ABCC4: variants seen among roughly 807,000 people sequenced by gnomAD.
ABCC4 encodes the protein ATP-binding cassette sub-family C member 4.
A neutral mutation model predicts 168.5 loss-of-function variants in ABCC4; 102 were observed. The observed-to-expected ratio is 0.61, with a 90% confidence interval of 0.52 to 0.71. The LOEUF is 0.71. Ranked by LOEUF, ABCC4 falls within the 30% of genes least tolerant of loss-of-function variation. The pLI, the probability that ABCC4 is intolerant of heterozygous loss-of-function variation, is 0.00. For missense variants in ABCC4, 1,402 were observed against 1,605.8 expected (o/e 0.87, Z 2.17); for synonymous variants, 617 against 590.7 (o/e 1.04, Z -0.65).
chr13:95,063,524 A>G, intron 25 of ABCC4, among the ~76,000 whole-genome samples: 1 of 152,330 alleles, frequency 6.6e-6, no homozygotes, highest in South Asian at 2.1e-4. Flanking sequence ...GACAGTAGTA[A>G]CCAGTAGCCA....
intron 8 of ABCC4, among the ~76,000 whole-genome samples, chr13:95,197,798 T>C (rs2038502165): frequency 6.6e-6 from 1 of 152,220 alleles, no homozygotes; most frequent in African/African-American, 2.4e-5. Context: ...GCTGTTAAGA[T>C]AAGATCTCTT....
At chr13:95,198,606 G>A (rs1477882668) in intron 8 of ABCC4, among the ~76,000 whole-genome samples, 2 of 152,140 alleles carry the variant, frequency 1.3e-5, no homozygotes, top group Non-Finnish European at 2.9e-5. Context: ...TCCCATTACT[G>A]GGTATATACC....
rs115830162 is a variant in ABCC4 at position 95,273,356 on chromosome 13, T to C, written c.75-25603A>G. On this transcript the variant is annotated intron_variant, in intron 1 of 30. Transcript: ENST00000645237. The stretch of plus-strand genomic sequence containing the variant: ...CTTACCGCAGCTCTGTCGGCCTGGA[T>C]GGGCGTGGGGTCCCAAATAACACCC... Among the ~76,000 whole-genome samples the C allele has an allele frequency of 4.2e-3, 646 of 152,316 alleles. 3 individuals are homozygous for C. The highest frequency in any genetic ancestry group is 0.013 in the African/African-American group (555 of 41,570).
chr13:95,225,312 A>C (rs1316585059), intron 4 of ABCC4, among the ~76,000 whole-genome samples: 2 of 152,236 alleles, frequency 1.3e-5, no homozygotes, highest in Non-Finnish European at 2.9e-5. Context: ...CAGGAAACAA[A>C]GCAAAAATAC....
At chr13:95,225,822 T>C (rs1330987153) in intron 4 of ABCC4, among the ~76,000 whole-genome samples, 3 of 150,874 alleles carry the variant, frequency 2.0e-5, no homozygotes, top group Admixed American at 1.3e-4. Context: ...ACCTCTATCC[T>C]AATAATTACA....
intron 20 of ABCC4, among the ~76,000 whole-genome samples, chr13:95,111,151 T>C (rs1217531792): frequency 6.6e-6 from 1 of 152,240 alleles, no homozygotes; most frequent in African/African-American, 2.4e-5. Flanking sequence ...AAGATCTTTA[T>C]GCTATTTGTA....
intron 8 of ABCC4, among the ~76,000 whole-genome samples, chr13:95,196,652 G>A (rs1281429038): frequency 4.2e-4 from 12 of 28,260 alleles, no homozygotes; most frequent in Non-Finnish European, 5.6e-4. Flanking sequence ...AAGGAAGGAA[G>A]GAAGGAAGGA....
intron 1 of ABCC4, among the ~76,000 whole-genome samples, chr13:95,294,230 A>C (rs1294764670): frequency 6.6e-6 from 1 of 152,016 alleles, no homozygotes; most frequent in African/African-American, 2.4e-5. Flanking sequence ...CGTGGTTTTG[A>C]GCTCCTGTAA....
intron 4 of ABCC4, among the ~76,000 whole-genome samples, chr13:95,228,106 G>A (rs955500524): frequency 1.3e-5 from 2 of 152,146 alleles, no homozygotes; most frequent in Non-Finnish European, 2.9e-5. Flanking sequence ...CAAAAGTTCT[G>A]TTTTAAAACT....
intron 1 of ABCC4, among the ~76,000 whole-genome samples, chr13:95,252,949 A>C (rs980089206): frequency 1.3e-5 from 2 of 152,244 alleles, no homozygotes; most frequent in African/African-American, 2.4e-5. Flanking sequence ...GGTGCCAGGA[A>C]TTCAACACTT....
intron 11 of ABCC4, among the ~76,000 whole-genome samples, chr13:95,184,963 G>C (rs1202310973): frequency 6.6e-6 from 1 of 152,094 alleles, no homozygotes; most frequent in Non-Finnish European, 1.5e-5. Context: ...CTCCTACTTT[G>C]ACCCTATATT....
intron 1 of ABCC4, among the ~76,000 whole-genome samples, chr13:95,276,916 G>A (rs1012700270): frequency 2.0e-5 from 3 of 152,308 alleles, no homozygotes; most frequent in Middle Eastern, 3.4e-3. Flanking sequence ...CTACTTAGGA[G>A]GCTGAGGCAG....
chr13:95,043,443 T>C, intron 29 of ABCC4: 1 of 431,170 alleles, frequency 2.3e-6, no homozygotes, highest in Non-Finnish European at 4.1e-6. Flanking sequence ...TTGGAATATT[T>C]TCATGGTAAA....
chr13:95,281,008 T>C (rs2041106950), intron 1 of ABCC4, among the ~76,000 whole-genome samples: 1 of 152,074 alleles, frequency 6.6e-6, no homozygotes, highest in Admixed American at 6.6e-5. Context: ...CAGAGCCATC[T>C]CTTTTCTTTT....
intron 19 of ABCC4, among the ~76,000 whole-genome samples, chr13:95,131,979 T>C (rs979993137): frequency 2.6e-5 from 4 of 151,562 alleles, no homozygotes; most frequent in Non-Finnish European, 5.9e-5. Flanking sequence ...ACTACGGGGG[T>C]CTAAAAGAGA....
At chr13:95,120,642 G>A (rs149626574) in intron 19 of ABCC4, among the ~76,000 whole-genome samples, 1 of 152,052 alleles carries the variant, frequency 6.6e-6, no homozygotes, top group Non-Finnish European at 1.5e-5. Context: ...TACAGAGAGA[G>A]GGTGGACCCT....
intron 1 of ABCC4, among the ~76,000 whole-genome samples, chr13:95,293,943 A>C (rs193007827): frequency 6.6e-6 from 1 of 152,102 alleles, no homozygotes; most frequent in Admixed American, 6.6e-5. Flanking sequence ...CCATGAAAGA[A>C]GGCAGGGTGC....
At chr13:95,077,315 C>T (rs1012631063) in intron 21 of ABCC4, among the ~76,000 whole-genome samples, 2 of 151,998 alleles carry the variant, frequency 1.3e-5, no homozygotes, top group Non-Finnish European at 1.5e-5. Flanking sequence ...ATGGGGTGTC[C>T]GGGAGAAGTT....
intron 8 of ABCC4, among the ~76,000 whole-genome samples, chr13:95,200,674 TCACGC>T (rs1246768692): frequency 1.3e-5 from 2 of 152,084 alleles, no homozygotes; most frequent in Admixed American, 6.5e-5. Context: ...TGAGCTGAGA[TCACGC>T]CACTGCACTC....
Sources: allele counts gnomAD v4.1 joint callset (sites outside exome capture counted in the v4.1 genomes callset), GRCh38; gene constraint gnomAD v4.1.1; transcripts MANE v1.5; gene names NCBI Gene and HGNC (gene_info 2026-07-23, HGNC 2026-07-21).